COL16A1: variants seen among roughly 807,000 people sequenced by gnomAD.
COL16A1 encodes collagen type XVI alpha 1 chain.
Under a neutral mutation model 266.3 loss-of-function variants are expected in COL16A1, and 189 were observed. That is an observed-to-expected ratio of 0.71 (90% CI 0.63 to 0.80). COL16A1 has a LOEUF of 0.80. Among genes scored for constraint, COL16A1 ranks in the 30% least tolerant of loss-of-function variants. COL16A1 has a pLI of 0.00. For missense variants in COL16A1, 1,928 were observed against 2,122.4 expected, an observed-to-expected ratio of 0.91 and a Z score of 1.80; for synonymous variants, 740 against 782.3, an observed-to-expected ratio of 0.95 and a Z score of 0.90.
At position 31,684,540 on chromosome 1, in the gene COL16A1, C is replaced by T. The variant is rs1186841006; in HGVS notation, c.2143G>A (p.Gly715Arg). 2 of 1,613,370 alleles carry T rather than the reference C, an allele frequency of 1.2e-6. No homozygotes were observed. The highest frequency in any genetic ancestry group is 1.1e-5 in the South Asian group (1 of 91,076). ...SGEPGVQGPA[G>R]PKGEKGDGCT... is the part of the protein sequence containing the mutation. ...TGACTAACCTTTTCTCCTTTTGGCC[C>T]CGCGGGGCCCTGAACTCCAGGCTCT... The change falls in exon 31 of 71, where the codon GGG (glycine) becomes AGG (arginine). Residue 715 changes from glycine (G) to arginine (R), a missense_variant. This residue lies in a region of COL16A1 where 1,552 missense variants were observed against 1,637.2 expected (regional missense o/e 0.95). Transcript: ENST00000373672.
chr1:31,668,168 C>T lies in COL16A1; in HGVS notation c.3300G>A (p.Leu1100=). The T allele has an allele frequency of 4.3e-6, 7 of 1,611,486 alleles. No homozygotes were observed. The highest frequency in any genetic ancestry group is 5.9e-6 in the Non-Finnish European group (7 of 1,178,870). Residue 1100 remains leucine (L), a synonymous_variant, in exon 51 of 71, where the codon CTG becomes CTA. Transcript: ENST00000373672. The surrounding 1 kb of genome is among the most constrained non-coding windows in gnomAD (Gnocchi z 5.8). ...CAGCAAGGGTCCCCTTACTCACAGG[C>T]AGTCCTGGGGGGCCCGTGGCACCTG... The part of the protein sequence containing the change: ...GYPGATGPPG[L]PGIKGERGYT...
chr1:31,671,808 A>C, intron 47 of COL16A1, 149 bp from the exon 48 acceptor site: 1 of 900,596 alleles, frequency 1.1e-6, no homozygotes, highest in Non-Finnish European at 1.7e-6. Flanking sequence ...ATGTTCGAAC[A>C]ATCTTTCATT....
At chr1:31,703,572 C>T (rs1351769102) in intron 1 of COL16A1, among the ~76,000 whole-genome samples, 4 of 152,138 alleles carry the variant, frequency 2.6e-5, no homozygotes, top group Non-Finnish European at 5.9e-5. Flanking sequence ...AGTCTCTGGT[C>T]GCCACTCCTC....
At chr1:31,686,429 C>A in intron 26 of COL16A1, 150 bp from the exon 27 acceptor site, 1 of 1,112,754 alleles carries the variant, frequency 9.0e-7, no homozygotes, top group Non-Finnish European at 1.3e-6. Context: ...CCAAGGTCCC[C>A]AAGGGAGTCT....
At position 31,691,641 on chromosome 1, in the gene COL16A1, C is replaced by T. The variant is rs1472628116; in HGVS notation, c.1259G>A (p.Gly420Asp). 1.2e-6 allele frequency: 2 copies of T among 1,613,346 alleles called. No homozygotes were observed. The highest frequency in any genetic ancestry group is 1.1e-5 in the South Asian group (1 of 91,018). The stretch of plus-strand genomic sequence containing the variant: ...AATGACACAGATCTCTCCTGGCCGG[C>T]CCTGTGGGGGGATAAGGGGGAGGGT... ...KGVPGKPGRD[G>D]RPGEICVIGP... Residue 420 changes from glycine to aspartate, a missense_variant and splice_region_variant, in exon 18 of 71, where the codon GGC becomes GAC. By Grantham distance (94) the Gly-to-Asp change is moderately conservative (BLOSUM62 -1). Around this residue, in one of 2 missense-constraint regions of COL16A1, gnomAD observed 1,552 missense variants for 1,637.2 expected, o/e 0.95. Transcript: ENST00000373672.
In COL16A1 at chr1:31,683,265, G is replaced by T. The variant is rs749334160; in HGVS notation, c.2416-18C>A. On this transcript the variant is annotated intron_variant, in intron 35 of 70. Coordinates refer to ENST00000373672, the MANE Select transcript of COL16A1 (RefSeq NM_001856.4). ...GGAAGTCCCTGCAGATGGAAGCACA[G>T]TTAGTTAACCCATATCCTAGAATGG... 2 of 1,614,094 alleles carry T rather than the reference G, an allele frequency of 1.2e-6. No individual in the cohort carries two copies. Among genetic ancestry groups the T allele is most frequent in the African/African-American group, 2.7e-5 (2 of 74,944 alleles).
intron 70 of COL16A1, among the ~76,000 whole-genome samples, chr1:31,653,192 G>C (rs2148636599): frequency 6.6e-6 from 1 of 152,352 alleles, no homozygotes; most frequent in Middle Eastern, 3.4e-3. Context: ...GTGATGCTGG[G>C]TCTCAGAGCC....
At chr1:31,691,706 G>A (rs1644278337) in intron 17 of COL16A1, 64 bp from the exon 18 acceptor site, 1 of 1,565,622 alleles carries the variant, frequency 6.4e-7, no homozygotes, top group Non-Finnish European at 8.7e-7. Flanking sequence ...CCCACTGGGA[G>A]AGGTGAATGC....
chr1:31,667,578 C>T lies in COL16A1; in HGVS notation c.3354G>A (p.Glu1118=). 6.3e-7 allele frequency: 1 copy of T among 1,597,282 alleles called. No homozygotes were observed. The highest frequency in any genetic ancestry group is 8.5e-7 in the Non-Finnish European group (1 of 1,172,752). The change falls in exon 52 of 71, where the codon GAG becomes GAA. Residue 1118 remains glutamate (E), a synonymous_variant. Coordinates refer to ENST00000373672, the MANE Select transcript of COL16A1 (RefSeq NM_001856.4). ...GYTGSAGEKG[E]PGPPGSEGLP... is the part of the protein sequence containing the mutation. ...GCCCCACGCCGCTGGGACTCACCGG[C>T]TCTCCTTTCTCTCCCGCTGACCCGG...
chr1:31,697,347 T>C lies in COL16A1; in HGVS notation c.658-47A>G, dbSNP rs1183683612. 6.5e-7 allele frequency: 1 copy of C among 1,538,556 alleles called. No homozygotes were observed. Among genetic ancestry groups the C allele is most frequent in the Non-Finnish European group, 8.8e-7 (1 of 1,134,214 alleles). On this transcript the variant is annotated intron_variant, in intron 6 of 70. Coordinates refer to ENST00000373672, the MANE Select transcript of COL16A1 (RefSeq NM_001856.4). The surrounding 1 kb of genome is among the most constrained non-coding windows in gnomAD (Gnocchi z 4.2). ...ATTTCACTTCATTTTATCAAATAGC[T>C]CTGTGTCCTGGCCCCCCAGGAGGCA...
chr1:31,691,057 A>G, intron 20 of COL16A1, 131 bp downstream of exon 20: 1 of 1,432,404 alleles, frequency 7.0e-7, no homozygotes, highest in East Asian at 2.3e-5. Context: ...AGCCGAGCCC[A>G]GCCTCCTCCT....
rs767544840 is a variant in COL16A1 at position 31,684,066 on chromosome 1, G to A, written c.2283+43C>T. 4 of 1,612,722 alleles carry A rather than the reference G, an allele frequency of 2.5e-6. No homozygotes were observed. The East Asian group carries it at 6.7e-5, about 27-fold the overall frequency. On this transcript the variant is annotated intron_variant, in intron 32 of 70. Coordinates refer to ENST00000373672, the MANE Select transcript of COL16A1 (RefSeq NM_001856.4). ...AGAAAGGGGGACAGGAGGGAGAGGA[G>A]GCAAAGCCCAGGCAGGGAAGGGCCG...
chr1:31,658,351 G>A (rs958611050), intron 64 of COL16A1, 137 bp downstream of exon 64: 8 of 775,398 alleles, frequency 1.0e-5, no homozygotes, highest in Non-Finnish European at 1.7e-5. Flanking sequence ...CCTCAGGCCC[G>A]AACGCCACGC....
chr1:31,661,053 C>T lies in COL16A1; in HGVS notation c.3825+13G>A. ...GCAAACTGAAGGCAGCCATGTGGAT[C>T]CCTGGCCCTCACCTCTGCGCCAGGC... is the stretch of plus-strand genomic sequence containing the variant. On this transcript the variant is annotated intron_variant, in intron 61 of 70. Transcript: ENST00000373672. 1.3e-6 allele frequency: 2 copies of T among 1,558,636 alleles called. No individual in the cohort carries two copies. The highest frequency in any genetic ancestry group is 1.2e-5 in the South Asian group (1 of 84,464).
Position 31,656,768 on chromosome 1 carries a change from T to A in COL16A1, c.4056+265A>T. 1.8e-6 allele frequency: 1 copy of A among 564,714 alleles called. No homozygotes were observed. The highest frequency in any genetic ancestry group is 2.6e-5 in the South Asian group (1 of 38,582). The allele number at this position is 564,714 out of a possible 1,614,324, so 35.0% of individuals were successfully genotyped here. On this transcript the variant is annotated intron_variant, in intron 65 of 70. Coordinates refer to ENST00000373672, the MANE Select transcript of COL16A1 (RefSeq NM_001856.4). This position sits in a 1 kb window ranked among gnomAD's most constrained non-coding sequence, Gnocchi z 4.2. The stretch of plus-strand genomic sequence containing the variant: ...CCAGGAGATGTTTGTTTGGAATTTA[T>A]TATTATCATTATTATTGTTGTTGTT...
At chr1:31,700,304 A>G (rs1357397273) in intron 2 of COL16A1, among the ~76,000 whole-genome samples, 189 bp from the exon 3 acceptor site, 1 of 152,212 alleles carries the variant, frequency 6.6e-6, no homozygotes, top group Non-Finnish European at 1.5e-5. Context: ...AACCCAGCAT[A>G]CAGTTTGGAA....
In COL16A1 at chr1:31,680,063, G is replaced by T. The variant is rs773792153; in HGVS notation, c.2649C>A (p.Asp883Glu). The T allele has an allele frequency of 5.6e-6, 9 of 1,613,928 alleles. No individual in the cohort carries two copies. The highest frequency in any genetic ancestry group is 7.6e-6 in the Non-Finnish European group (9 of 1,179,914). ...PGECSCPSQG[D>E]LIFSGMPGAP... ...TTACCGGCATGCCAGAGAAGATGAG[G>T]TCTCCTTGAGAGGGGCAGGAGCACT... Residue 883 changes from aspartate to glutamate, a missense_variant, in exon 40 of 71, where the codon GAC (aspartate) becomes GAA (glutamate). By Grantham distance (45) the Asp-to-Glu change is conservative (BLOSUM62 2). Transcript: ENST00000373672.
chr1:31,659,039 C>A, intron 62 of COL16A1, 75 bp from the exon 63 acceptor site: 3 of 1,324,090 alleles, frequency 2.3e-6, no homozygotes, highest in South Asian at 2.5e-5. Flanking sequence ...GGCCTGACAG[C>A]AGAAACAAGC....
In COL16A1 at chr1:31,691,652, G is replaced by A; in HGVS notation, c.1258-10C>T. 6 of 1,612,834 alleles carry A rather than the reference G, an allele frequency of 3.7e-6. No homozygotes were observed. The highest frequency in any genetic ancestry group is 5.1e-6 in the Non-Finnish European group (6 of 1,179,492). ...TCTCTCCTGGCCGGCCCTGTGGGGG[G>A]ATAAGGGGGAGGGTGTACAAACAGC... On this transcript the variant is annotated splice_polypyrimidine_tract_variant and intron_variant, in intron 17 of 70. Coordinates refer to ENST00000373672, the MANE Select transcript of COL16A1 (RefSeq NM_001856.4).
Sources: allele counts gnomAD v4.1 joint callset (sites outside exome capture counted in the v4.1 genomes callset), GRCh38; gene constraint gnomAD v4.1.1; regional missense constraint gnomAD v4.1.1; non-coding constraint Gnocchi (gnomAD v3.1); transcripts MANE v1.5; gene names NCBI Gene and HGNC (gene_info 2026-07-23, HGNC 2026-07-21).